KCNQ3: variants seen among roughly 807,000 people sequenced by gnomAD.
KCNQ3 encodes the protein potassium voltage-gated channel subfamily KQT member 3.
Under a neutral mutation model 92.5 loss-of-function variants are expected in KCNQ3, and 30 were observed. The ratio of observed to expected loss-of-function variants is 0.32; its 90% CI spans 0.24 to 0.44. The LOEUF (loss-of-function observed/expected upper bound fraction) is 0.44. KCNQ3 is among the 20% of genes least tolerant of loss of function. The probability of loss-of-function intolerance (pLI) is 1.00; values close to 1 mark genes in which losing one functional copy is unlikely to be tolerated. For missense variants in KCNQ3, 913 were observed against 1,140.3 expected (o/e 0.80, Z 2.87); for synonymous variants, 450 against 468.8 (o/e 0.96, Z 0.52).
intron 9 of KCNQ3, among the ~76,000 whole-genome samples, chr8:132,162,082 T>TG (rs1326429261): frequency 6.6e-6 from 1 of 151,962 alleles, no homozygotes; most frequent in African/African-American, 2.4e-5. Context: ...CTTGGCAGAG[T>TG]GGGGGGTTCT....
intron 1 of KCNQ3, among the ~76,000 whole-genome samples, chr8:132,273,459 C>T (rs966227011): frequency 6.6e-6 from 1 of 152,210 alleles, no homozygotes; most frequent in Non-Finnish European, 1.5e-5. Context: ...GCCCATGAAA[C>T]CATTTTTTCT....
chr8:132,342,292 T>TC (rs1316630288), intron 1 of KCNQ3, among the ~76,000 whole-genome samples: 1 of 151,834 alleles, frequency 6.6e-6, no homozygotes, highest in Non-Finnish European at 1.5e-5. Flanking sequence ...TCCAACTCTG[T>TC]CCCCATCCAT....
At chr8:132,340,614 G>A (rs1371784587) in intron 1 of KCNQ3, among the ~76,000 whole-genome samples, 1 of 152,048 alleles carries the variant, frequency 6.6e-6, no homozygotes, top group Admixed American at 6.6e-5. Flanking sequence ...CCTATTGGGG[G>A]GTGGTGGGGG....
intron 1 of KCNQ3, among the ~76,000 whole-genome samples, chr8:132,370,623 A>C (rs1440347840): frequency 6.6e-6 from 1 of 152,218 alleles, no homozygotes; most frequent in Non-Finnish European, 1.5e-5. Flanking sequence ...CTGCAGAGCA[A>C]CGGGGGAACT....
intron 8 of KCNQ3, 64 bp downstream of exon 8, chr8:132,170,270 C>T (rs748276689): frequency 3.1e-5 from 38 of 1,207,380 alleles, no homozygotes; most frequent in East Asian, 2.8e-4. Context: ...GCCACAGACA[C>T]GAATACAGAC....
rs78479059 is a variant in KCNQ3, at chr8:132,322,619, T to C, written c.387-136438A>G. On this transcript the variant is annotated intron_variant, in intron 1 of 14. Transcript: ENST00000388996. ...GTGACCCCAACAGGTACTTGGCTGATCTGCCAGAGCATGAGTACCACACAA... is the reference window on the plus strand; with the variant it reads ...GTGACCCCAACAGGTACTTGGCTGACCTGCCAGAGCATGAGTACCACACAA... Among the ~76,000 whole-genome samples the C allele has an allele frequency of 6.5e-3, 995 of 152,316 alleles. 9 individuals are homozygous for C. Among genetic ancestry groups the C allele is most frequent in the African/African-American group, 0.022 (910 of 41,562 alleles).
At chr8:132,368,801 A>G (rs1563882031) in intron 1 of KCNQ3, among the ~76,000 whole-genome samples, 1 of 152,260 alleles carries the variant, frequency 6.6e-6, no homozygotes, top group African/African-American at 2.4e-5. Context: ...GAGCGCTCAT[A>G]TATCCACAAC....
rs370250223 is a variant in KCNQ3, at chr8:132,170,354, G to A, written c.1215C>T (p.Val405=). Residue 405 remains valine, a synonymous_variant, in exon 8 of 15, where the codon GTC becomes GTT. Transcript: ENST00000388996. ...LVATWRFYES[V]VSFPFFRKEQ... Reference sequence around the variant, plus strand: ...CTTGCCTGAAGAAAGGAAAAGAGACGACTGATTCATAAAATCTCCATGTCG... The same window carrying A: ...CTTGCCTGAAGAAAGGAAAAGAGACAACTGATTCATAAAATCTCCATGTCG... The A allele has an allele frequency of 1.3e-4, 209 of 1,613,534 alleles. 1 individual carries two copies. Among genetic ancestry groups the A allele is most frequent in the South Asian group, 1.5e-4 (14 of 91,068 alleles).
intron 1 of KCNQ3, among the ~76,000 whole-genome samples, chr8:132,323,079 C>T (rs1044943703): frequency 2.0e-5 from 3 of 152,138 alleles, no homozygotes; most frequent in African/African-American, 7.2e-5. Context: ...CGGGAAGCTT[C>T]CTCCACCCCA....
intron 12 of KCNQ3, among the ~76,000 whole-genome samples, chr8:132,136,118 C>CAAAAAAAAAAAAAAAAAAAAA (rs67331428): frequency 2.5e-5 from 1 of 40,018 alleles, no homozygotes; most frequent in African/African-American, 1.2e-4. Context: ...GACTCCATCT[C>CAAAAAAAAAAAAAAAAAAAAA]AAAAAAAAAA....
chr8:132,271,916 C>T lies in KCNQ3; in HGVS notation c.387-85735G>A, dbSNP rs137883596. Among the ~76,000 whole-genome samples, 561 of 152,286 alleles carry T rather than the reference C, an allele frequency of 3.7e-3. 5 individuals are homozygous for T. Among genetic ancestry groups the T allele is most frequent in the African/African-American group, 0.012 (519 of 41,560 alleles). ...TGTTATCATCTTAACCTGGCTGATC[C>T]TTTTGTGTACCCTGTTAGATGGTAG... On this transcript the variant is annotated intron_variant, in intron 1 of 14. Transcript: ENST00000388996.
chr8:132,342,299 C>G (rs768319268), intron 1 of KCNQ3, among the ~76,000 whole-genome samples: 1 of 151,628 alleles, frequency 6.6e-6, no homozygotes, highest in Non-Finnish European at 1.5e-5. Flanking sequence ...CTGTCCCCAT[C>G]CATTGATTTC....
intron 1 of KCNQ3, among the ~76,000 whole-genome samples, chr8:132,318,764 T>A (rs866969138): frequency 2.0e-5 from 3 of 152,212 alleles, no homozygotes; most frequent in Non-Finnish European, 4.4e-5. Context: ...ACTGAACAAT[T>A]TGCTGAGTGC....
At chr8:132,382,094 C>T (rs1457231544) in intron 1 of KCNQ3, among the ~76,000 whole-genome samples, 1 of 152,264 alleles carries the variant, frequency 6.6e-6, no homozygotes, top group Non-Finnish European at 1.5e-5. Flanking sequence ...AGAAGGCATA[C>T]TGTAATACAG....
At chr8:132,157,498 T>C (rs1825837424) in intron 9 of KCNQ3, among the ~76,000 whole-genome samples, 1 of 152,162 alleles carries the variant, frequency 6.6e-6, no homozygotes, top group South Asian at 2.1e-4. Context: ...TGTTCAGATA[T>C]GGTCTTTCTC....
At chr8:132,213,802 C>T (rs531931449) in intron 1 of KCNQ3, among the ~76,000 whole-genome samples, 41 of 152,320 alleles carry the variant, frequency 2.7e-4, no homozygotes, top group Non-Finnish European at 5.3e-4. Flanking sequence ...CTTGACCTCA[C>T]GGGGCTCTAA....
chr8:132,363,771 G>A (rs540977718), intron 1 of KCNQ3, among the ~76,000 whole-genome samples: 10 of 151,432 alleles, frequency 6.6e-5, no homozygotes, highest in African/African-American at 2.2e-4. Flanking sequence ...TGGAACTCCT[G>A]CATCCCACAG....
Position 132,128,980 on chromosome 8 carries a change from A to G in KCNQ3, c.*282T>C. ...TTCTCCCTGTACTGGTCCAATCGTG[A>G]TTAAAAGTAAGAACAGCAGATAAAT... On this transcript the variant is annotated 3_prime_UTR_variant, in exon 15 of 15. Transcript: ENST00000388996. 1 of 484,762 alleles carries G rather than the reference A, an allele frequency of 2.1e-6. No individual in the cohort carries two copies. The highest frequency in any genetic ancestry group is 3.7e-6 in the Non-Finnish European group (1 of 266,956). 30.0% of individuals were successfully genotyped at this position (484,762 alleles called of 1,614,324 possible).
At chr8:132,456,456 G>T (rs1280294186) in intron 1 of KCNQ3, among the ~76,000 whole-genome samples, 1 of 96,970 alleles carries the variant, frequency 1.0e-5, no homozygotes, top group Admixed American at 1.2e-4. Context: ...CAGGGCTCGG[G>T]GATTGAGGGT....
Sources: gnomAD v4.1 joint callset for allele counts (sites outside exome capture counted in the v4.1 genomes callset) on GRCh38, gnomAD v4.1.1 for gene constraint, MANE v1.5 for transcripts, NCBI Gene and HGNC (gene_info 2026-07-23, HGNC 2026-07-21) for gene names.